Variants in SLIT2 observed in about 807,000 individuals in gnomAD.
SLIT2 encodes the protein slit guidance ligand 2.
A neutral mutation model predicts 185.7 loss-of-function variants in SLIT2; 41 were observed. The observed-to-expected ratio is 0.22, with a 90% CI of 0.17 to 0.29. The LOEUF (loss-of-function observed/expected upper bound fraction) is 0.29, where lower values mean the gene tolerates loss of function less well. Among genes scored for constraint, SLIT2 ranks in the 10% least tolerant of loss-of-function variants. The pLI, the probability that SLIT2 is intolerant of heterozygous loss-of-function variation, is 1.00. For synonymous variants in SLIT2, 693 were observed against 680.2 expected, an observed-to-expected ratio of 1.02 and a Z score of -0.29; for missense variants, 1,571 against 1,909.0, an observed-to-expected ratio of 0.82 and a Z score of 3.30.
At position 20,416,673 on chromosome 4, in the gene SLIT2, C is replaced by CT. The variant is rs547643382; in HGVS notation, c.396-51074dup. ...TTTTAAAAGTGCTTACTCTGGTGTG[C>CT]TTTTTAAAAGACTATAAATCCCATT... On this transcript the variant is annotated intron_variant, in intron 4 of 36. Transcript: ENST00000504154. Among the ~76,000 whole-genome samples, 721 of 152,112 alleles carry CT rather than the reference C, an allele frequency of 4.7e-3. 6 individuals are homozygous for CT. Among genetic ancestry groups the CT allele is most frequent in the African/African-American group, 0.017 (685 of 41,492 alleles).
chr4:20,509,598 G>C (rs1376753094), intron 9 of SLIT2, among the ~76,000 whole-genome samples: 1 of 152,086 alleles, frequency 6.6e-6, no homozygotes, highest in African/African-American at 2.4e-5. Flanking sequence ...CAGCTCTTTG[G>C]GAGACAGAGC....
chr4:20,351,530 G>A (rs1222785741), intron 4 of SLIT2, among the ~76,000 whole-genome samples: 1 of 152,168 alleles, frequency 6.6e-6, no homozygotes, highest in East Asian at 1.9e-4. Flanking sequence ...TTCCCACCCT[G>A]ATTCCTCTCT....
intron 5 of SLIT2, among the ~76,000 whole-genome samples, chr4:20,477,465 C>G (rs1716244914): frequency 6.6e-6 from 1 of 152,154 alleles, no homozygotes; most frequent in Admixed American, 6.5e-5. Context: ...TCCCAAGGTG[C>G]TGGGATTACA....
At chr4:20,256,301 A>T (rs1711821289) in intron 1 of SLIT2, among the ~76,000 whole-genome samples, 2 of 132,486 alleles carry the variant, frequency 1.5e-5, no homozygotes, top group African/African-American at 5.9e-5. Flanking sequence ...AACCTCCTGA[A>T]GGGAACTTTT....
chr4:20,611,363 T>C (rs1397437268), intron 34 of SLIT2, among the ~76,000 whole-genome samples: 1 of 152,222 alleles, frequency 6.6e-6, no homozygotes, highest in Non-Finnish European at 1.5e-5. Context: ...AGTCTTTGGT[T>C]CAATTCTGTA....
intron 22 of SLIT2, among the ~76,000 whole-genome samples, chr4:20,547,353 C>T (rs11936468): frequency 0.68 from 103,728 of 151,858 alleles, 35,646 homozygotes; most frequent in East Asian, 0.84. Flanking sequence ...TTCAAGCCAG[C>T]TCGAAATGAC....
At chr4:20,343,207 C>T (rs1451130605) in intron 4 of SLIT2, among the ~76,000 whole-genome samples, 1 of 152,108 alleles carries the variant, frequency 6.6e-6, no homozygotes, top group African/African-American at 2.4e-5. Context: ...CCTCTCTCTT[C>T]ATCCCCCAAT....
chr4:20,494,445 A>G (rs575208200), intron 9 of SLIT2, among the ~76,000 whole-genome samples: 1 of 152,318 alleles, frequency 6.6e-6, no homozygotes, highest in Admixed American at 6.5e-5. Flanking sequence ...AGTGAACTCA[A>G]TTTGTGAAAT....
At chr4:20,577,050 G>A (rs1307596502) in intron 29 of SLIT2, among the ~76,000 whole-genome samples, 2 of 151,686 alleles carry the variant, frequency 1.3e-5, no homozygotes, top group Admixed American at 1.3e-4. Context: ...ACCATGCTAA[G>A]TATTGAAAGT....
chr4:20,591,673 G>A (rs1355303183), intron 30 of SLIT2, among the ~76,000 whole-genome samples: 1 of 151,326 alleles, frequency 6.6e-6, no homozygotes, highest in Non-Finnish European at 1.5e-5. Context: ...TATCAATGAT[G>A]CGCTCACAAT....
chr4:20,459,441 G>A (rs2148726923), intron 4 of SLIT2, among the ~76,000 whole-genome samples: 1 of 152,304 alleles, frequency 6.6e-6, no homozygotes, highest in African/African-American at 2.4e-5. Flanking sequence ...AAAGACCACA[G>A]CAGACTTTCT....
intron 4 of SLIT2, among the ~76,000 whole-genome samples, chr4:20,438,501 G>A (rs1729515533): frequency 1.3e-5 from 2 of 152,112 alleles, no homozygotes; most frequent in African/African-American, 2.4e-5. Flanking sequence ...CCACTCCCAT[G>A]ATTCAATCAT....
chr4:20,309,067 A>G (rs1717839713), intron 4 of SLIT2, among the ~76,000 whole-genome samples: 2 of 152,132 alleles, frequency 1.3e-5, no homozygotes, highest in African/African-American at 4.8e-5. Context: ...AAAATTATAA[A>G]TGATATGATT....
chr4:20,608,053 A>T (rs1333047936), intron 33 of SLIT2, among the ~76,000 whole-genome samples: 2 of 152,240 alleles, frequency 1.3e-5, no homozygotes, highest in Non-Finnish European at 2.9e-5. Context: ...ACTAAAAAAG[A>T]TTCAGAAATG....
At chr4:20,616,024 T>C (rs1249253275) in intron 34 of SLIT2, 1 of 152,252 alleles carries the variant, frequency 6.6e-6, no homozygotes, top group Non-Finnish European at 1.5e-5. Context: ...AAAATGAGTG[T>C]TACCAGATAA....
chr4:20,402,941 A>G lies in SLIT2; in HGVS notation c.396-64811A>G, dbSNP rs1346048138. 2.0e-5 allele frequency among the ~76,000 whole-genome samples: 3 copies of G among 151,922 alleles called. No individual in the cohort carries two copies. In the East Asian group the frequency reaches 5.8e-4, roughly 29 times the overall value. The stretch of plus-strand genomic sequence containing the variant: ...AAAAAATAAGTAATACTATTTATAT[A>G]AAATTCTCAAATTTCTCGAGATATA... On this transcript the variant is annotated intron_variant, in intron 4 of 36. Transcript: ENST00000504154.
At chr4:20,608,963 G>T (rs1219924871) in intron 33 of SLIT2, among the ~76,000 whole-genome samples, 1 of 151,952 alleles carries the variant, frequency 6.6e-6, no homozygotes, top group African/African-American at 2.4e-5. Context: ...TTAACTTTTT[G>T]ATCTCAACTT....
chr4:20,367,647 G>A (rs1434301768), intron 4 of SLIT2, among the ~76,000 whole-genome samples: 1 of 152,106 alleles, frequency 6.6e-6, no homozygotes, highest in African/African-American at 2.4e-5. Context: ...AAAGATTTTA[G>A]CATTTATTTC....
intron 5 of SLIT2, among the ~76,000 whole-genome samples, 164 bp from the exon 6 acceptor site, chr4:20,480,552 T>C (rs541232927): frequency 5.8e-4 from 88 of 152,262 alleles, no homozygotes; most frequent in African/African-American, 2.0e-3. Context: ...AGTGGCGGCA[T>C]AGAGGCGAGA....
Sources: allele counts gnomAD v4.1 joint callset (sites outside exome capture counted in the v4.1 genomes callset), GRCh38; gene constraint gnomAD v4.1.1; transcripts MANE v1.5; gene names NCBI Gene and HGNC (gene_info 2026-07-23, HGNC 2026-07-21).